The following CNTN5 variants were observed in gnomAD, a reference collection of about 807,000 sequenced individuals.
CNTN5 encodes contactin-5.
A neutral mutation model predicts 129.1 loss-of-function variants in CNTN5; 77 were observed. That is an observed-to-expected ratio of 0.60 (90% confidence interval 0.50 to 0.72). CNTN5 has a LOEUF of 0.72. Ranked by LOEUF, CNTN5 falls within the 30% of genes least tolerant of loss-of-function variation. CNTN5 has a pLI of 0.00. For synonymous variants in CNTN5, 509 were observed against 465.6 expected (o/e 1.09, Z -1.20); for missense variants, 1,478 against 1,328.8 (o/e 1.11, Z -1.75).
At chr11:99,416,916 G>A (rs80278249) in intron 2 of CNTN5, among the ~76,000 whole-genome samples, 3,441 of 152,236 alleles carry the variant, frequency 0.023, 47 homozygotes, top group South Asian at 0.041. Flanking sequence ...ACTCATATCA[G>A]GACTCCACAA....
chr11:100,337,148 C>A, intron 21 of CNTN5: 1 of 1,420,988 alleles, frequency 7.0e-7, no homozygotes. Context: ...GACATGACAG[C>A]TGCACCCATG....
chr11:99,230,243 G>A (rs1041889862), intron 1 of CNTN5, among the ~76,000 whole-genome samples: 4 of 151,944 alleles, frequency 2.6e-5, no homozygotes, highest in African/African-American at 7.2e-5. Flanking sequence ...AGTCATGCTT[G>A]CTCCAATGAT....
At chr11:100,230,951 C>A (rs2138647904) in intron 16 of CNTN5, among the ~76,000 whole-genome samples, 1 of 152,324 alleles carries the variant, frequency 6.6e-6, no homozygotes, top group East Asian at 1.9e-4. Context: ...TCTTACACAT[C>A]CATCCTAATA....
chr11:99,659,962 T>G (rs1410818076), intron 3 of CNTN5, among the ~76,000 whole-genome samples: 1 of 152,082 alleles, frequency 6.6e-6, no homozygotes, highest in Admixed American at 6.6e-5. Flanking sequence ...AGCTGACCTT[T>G]TAGAAAGGTG....
chr11:99,516,792 T>C (rs1375562607), intron 2 of CNTN5, among the ~76,000 whole-genome samples: 1 of 152,140 alleles, frequency 6.6e-6, no homozygotes, highest in Non-Finnish European at 1.5e-5. Flanking sequence ...AATGTTAGTA[T>C]TAAAAATGTA....
At chr11:99,602,543 A>C (rs1322755064) in intron 3 of CNTN5, among the ~76,000 whole-genome samples, 2 of 152,146 alleles carry the variant, frequency 1.3e-5, no homozygotes, top group Non-Finnish European at 2.9e-5. Context: ...ATATTAATAT[A>C]GTTATAATAA....
chr11:99,423,566 T>C (rs1043787353), intron 2 of CNTN5, among the ~76,000 whole-genome samples: 2 of 152,244 alleles, frequency 1.3e-5, no homozygotes, highest in African/African-American at 4.8e-5. Context: ...TATTTCCTAT[T>C]TTCAACAGTG....
chr11:99,033,698 A>G (rs1404063920), intron 1 of CNTN5, among the ~76,000 whole-genome samples: 7 of 151,798 alleles, frequency 4.6e-5, no homozygotes, highest in Non-Finnish European at 7.4e-5. Flanking sequence ...TAGATATACA[A>G]TCATGTCATC....
rs1944367875 is a variant in CNTN5, at chr11:99,755,220, T to G, written c.56-64324T>G. ...ACAGATTTTCGCATGGATAAGTCTTTAGCTCATTTAGGTAAATACCAAGGA... is the reference window on the plus strand; with the variant it reads ...ACAGATTTTCGCATGGATAAGTCTTGAGCTCATTTAGGTAAATACCAAGGA... On this transcript the variant is annotated intron_variant, in intron 3 of 24. Transcript: ENST00000524871. 2.6e-5 allele frequency among the ~76,000 whole-genome samples: 4 copies of G among 152,180 alleles called. No homozygotes were observed. The South Asian group carries it at 8.3e-4, about 32-fold the overall frequency.
intron 3 of CNTN5, among the ~76,000 whole-genome samples, chr11:99,794,756 G>T (rs926811808): frequency 1.3e-5 from 2 of 152,128 alleles, no homozygotes; most frequent in African/African-American, 4.8e-5. Flanking sequence ...GGCTCCCTAT[G>T]TTTTCTGGCT....
chr11:99,779,040 T>A (rs1287015697), intron 3 of CNTN5, among the ~76,000 whole-genome samples: 1 of 151,870 alleles, frequency 6.6e-6, no homozygotes, highest in Non-Finnish European at 1.5e-5. Flanking sequence ...CAGAAAATTT[T>A]TAAAAAGACA....
At chr11:99,828,829 G>C (rs1339674170) in intron 4 of CNTN5, among the ~76,000 whole-genome samples, 1 of 152,040 alleles carries the variant, frequency 6.6e-6, no homozygotes, top group Non-Finnish European at 1.5e-5. Context: ...TATTAAATTT[G>C]ATTATAGTAG....
intron 2 of CNTN5, among the ~76,000 whole-genome samples, chr11:99,388,560 T>C (rs1941057386): frequency 6.6e-6 from 1 of 152,154 alleles, no homozygotes; most frequent in African/African-American, 2.4e-5. Context: ...TCAACAAATA[T>C]GAACTGATTT....
At position 100,326,600 on chromosome 11, in the gene CNTN5, G is replaced by A. The variant is rs900302724; in HGVS notation, c.2731-13863G>A. On this transcript the variant is annotated intron_variant, in intron 21 of 24. Transcript: ENST00000524871. ...GCTCTTGATGTATCCACACTAACCC[G>A]TTTCCAATCTGCCCTTTATATTTCA... Among the ~76,000 whole-genome samples, 18 of 152,040 alleles carry A rather than the reference G, an allele frequency of 1.2e-4. No individual in the cohort carries two copies. In the East Asian group the frequency reaches 1.9e-3, roughly 16 times the overall value.
intron 1 of CNTN5, among the ~76,000 whole-genome samples, chr11:99,096,041 G>A (rs917903152): frequency 2.0e-5 from 3 of 151,784 alleles, no homozygotes; most frequent in Admixed American, 1.3e-4. Context: ...TACATGAATG[G>A]TTCAACATAG....
At chr11:99,285,602 AAAAAG>A (rs1397131303) in intron 1 of CNTN5, among the ~76,000 whole-genome samples, 16 of 151,892 alleles carry the variant, frequency 1.1e-4, no homozygotes, top group African/African-American at 3.9e-4. Context: ...AGAAAAAAAA[AAAAAG>A]AAATGAAGAT....
intron 3 of CNTN5, among the ~76,000 whole-genome samples, chr11:99,622,013 T>A (rs1416603059): frequency 6.6e-6 from 1 of 152,180 alleles, no homozygotes; most frequent in South Asian, 2.1e-4. Context: ...TCTGGAACAC[T>A]TTAGAGCTAC....
intron 18 of CNTN5, among the ~76,000 whole-genome samples, chr11:100,292,077 G>T (rs572299705): frequency 2.0e-5 from 3 of 151,920 alleles, no homozygotes; most frequent in South Asian, 4.1e-4. Flanking sequence ...TAATTCCATG[G>T]TCTCTCATTC....
intron 13 of CNTN5, among the ~76,000 whole-genome samples, chr11:100,086,822 T>TA (rs986243062): frequency 5.3e-5 from 8 of 151,460 alleles, no homozygotes; most frequent in Non-Finnish European, 1.2e-4. Context: ...AAAAATAGTA[T>TA]AAAATTTCCC....
Sources: allele counts gnomAD v4.1 joint callset (sites outside exome capture counted in the v4.1 genomes callset), GRCh38; gene constraint gnomAD v4.1.1; transcripts MANE v1.5; gene names NCBI Gene and HGNC (gene_info 2026-07-23, HGNC 2026-07-21).